The following TNR variants were observed in gnomAD, a reference collection of about 807,000 sequenced individuals.
TNR encodes tenascin R.
A neutral mutation model predicts 150.4 loss-of-function variants in TNR; 45 were observed. That is an observed-to-expected ratio of 0.30 (90% CI 0.24 to 0.38). The LOEUF is 0.38. Ranked by LOEUF, TNR falls within the 10% of genes least tolerant of loss-of-function variation. TNR has a pLI of 1.00. For missense variants in TNR, 1,544 were observed against 1,759.1 expected (o/e 0.88, Z 2.19); for synonymous variants, 687 against 678.4 (o/e 1.01, Z -0.20).
intron 1 of TNR, among the ~76,000 whole-genome samples, chr1:175,742,963 T>TAC (rs66777686): frequency 0.15 from 22,840 of 147,752 alleles, 1,848 homozygotes; most frequent in Non-Finnish European, 0.2. Context: ...TATGCAACAG[T>TAC]ACACACACAC....
chr1:175,477,397 C>T (rs938343447), intron 2 of TNR, among the ~76,000 whole-genome samples: 1 of 152,138 alleles, frequency 6.6e-6, no homozygotes, highest in Non-Finnish European at 1.5e-5. Flanking sequence ...TATAACCCCA[C>T]GTGGAGAGCT....
chr1:175,699,986 A>G (rs550948400), intron 1 of TNR, among the ~76,000 whole-genome samples: 1 of 151,940 alleles, frequency 6.6e-6, no homozygotes, highest in Non-Finnish European at 1.5e-5. Context: ...AGGATTAAAT[A>G]CACAAGACTT....
chr1:175,334,506 T>C lies in TNR; in HGVS notation c.3631+1205A>G, dbSNP rs181225106. Among the ~76,000 whole-genome samples, 128 of 152,376 alleles carry C rather than the reference T, an allele frequency of 8.4e-4. 2 individuals are homozygous for C. The highest frequency in any genetic ancestry group is 3.0e-3 in the African/African-American group (123 of 41,582). On this transcript the variant is annotated intron_variant, in intron 20 of 22. Transcript: ENST00000367674. ...GGCCAGAGATTTGTGACTTTCCTAG[T>C]TGCTCCTATAGATAACAGCACTATT...
At chr1:175,456,839 T>C (rs947882591) in intron 2 of TNR, among the ~76,000 whole-genome samples, 3 of 152,204 alleles carry the variant, frequency 2.0e-5, no homozygotes, top group Non-Finnish European at 4.4e-5. Context: ...TGAAATGATC[T>C]ATTTTCTGGA....
At chr1:175,466,970 G>C (rs146421941) in intron 2 of TNR, among the ~76,000 whole-genome samples, 16 of 152,244 alleles carry the variant, frequency 1.1e-4, no homozygotes, top group Non-Finnish European at 2.2e-4. Context: ...GCAGAGGTGG[G>C]AGAAATGGGA....
At chr1:175,679,643 T>A (rs1437468261) in intron 1 of TNR, among the ~76,000 whole-genome samples, 3 of 152,106 alleles carry the variant, frequency 2.0e-5, no homozygotes, top group Non-Finnish European at 4.4e-5. Context: ...ATCAAAGATT[T>A]CTTGGAAGAG....
At chr1:175,332,616 C>G (rs1005356334) in intron 20 of TNR, among the ~76,000 whole-genome samples, 1 of 152,146 alleles carries the variant, frequency 6.6e-6, no homozygotes, top group Admixed American at 6.5e-5. Flanking sequence ...TTTTAAGTTC[C>G]CTACTGTGCC....
At chr1:175,624,934 C>A (rs966212507) in intron 1 of TNR, among the ~76,000 whole-genome samples, 1 of 152,214 alleles carries the variant, frequency 6.6e-6, no homozygotes, top group Non-Finnish European at 1.5e-5. Context: ...TTCAGCTGAG[C>A]ACCTCCTGCT....
chr1:175,395,372 T>G (rs979364728), intron 5 of TNR, among the ~76,000 whole-genome samples: 1 of 152,206 alleles, frequency 6.6e-6, no homozygotes, highest in African/African-American at 2.4e-5. Context: ...CTCAGATCTC[T>G]TACCCCTTAT....
chr1:175,638,792 T>A lies in TNR; in HGVS notation c.-165+104434A>T, dbSNP rs76002064. The stretch of plus-strand genomic sequence containing the variant: ...GCTAAATTATGCCCTGTGGCATAAT[T>A]TAACTAAACAATCCGTCCTTGTTGG... On this transcript the variant is annotated intron_variant, in intron 1 of 22. Coordinates refer to ENST00000367674, the MANE Select transcript of TNR (RefSeq NM_003285.3). 5.9e-3 allele frequency among the ~76,000 whole-genome samples: 903 copies of A among 152,330 alleles called. 4 individuals carry two copies. Among genetic ancestry groups the A allele is most frequent in the Non-Finnish European group, 6.2e-3 (422 of 68,024 alleles).
At chr1:175,409,894 C>T (rs1654133853) in intron 2 of TNR, among the ~76,000 whole-genome samples, 2 of 152,060 alleles carry the variant, frequency 1.3e-5, no homozygotes, top group Admixed American at 1.3e-4. Flanking sequence ...ATACCACAGA[C>T]AATTATATAT....
At chr1:175,736,222 CTT>C (rs138243772) in intron 1 of TNR, among the ~76,000 whole-genome samples, 2,965 of 152,248 alleles carry the variant, frequency 0.019, 102 homozygotes, top group African/African-American at 0.066. Flanking sequence ...ACAAAAAAAA[CTT>C]AAGGAAGATG....
At chr1:175,574,463 C>G (rs1043698527) in intron 1 of TNR, among the ~76,000 whole-genome samples, 1 of 152,158 alleles carries the variant, frequency 6.6e-6, no homozygotes, top group Non-Finnish European at 1.5e-5. Flanking sequence ...AGGTCTTTCC[C>G]TCCAATCCCC....
chr1:175,706,634 A>C (rs1666849677), intron 1 of TNR, among the ~76,000 whole-genome samples: 1 of 151,966 alleles, frequency 6.6e-6, no homozygotes, highest in Non-Finnish European at 1.5e-5. Context: ...CGAGGGAACC[A>C]CCTTCTGATG....
intron 1 of TNR, among the ~76,000 whole-genome samples, chr1:175,623,559 G>A (rs2101866750): frequency 1.3e-5 from 2 of 152,238 alleles, no homozygotes; most frequent in South Asian, 4.1e-4. Context: ...CAAGCCCCGT[G>A]GGACACCCAC....
intron 1 of TNR, among the ~76,000 whole-genome samples, chr1:175,634,489 G>GATACT (rs1285818221): frequency 1.3e-5 from 2 of 152,190 alleles, no homozygotes; most frequent in African/African-American, 4.8e-5. Flanking sequence ...TCTCAGATGA[G>GATACT]TGGCTTATCT....
intron 1 of TNR, among the ~76,000 whole-genome samples, chr1:175,714,936 A>C (rs180723162): frequency 9.9e-5 from 15 of 152,170 alleles, no homozygotes; most frequent in Non-Finnish European, 2.1e-4. Flanking sequence ...AAGAGATCCC[A>C]GGGCAGAACT....
At chr1:175,700,328 A>G (rs16848961) in intron 1 of TNR, among the ~76,000 whole-genome samples, 10,407 of 152,220 alleles carry the variant, frequency 0.068, 585 homozygotes, top group African/African-American at 0.15. Flanking sequence ...GCCCATAATT[A>G]GAGTGATATG....
At chr1:175,738,122 G>A (rs1186694985) in intron 1 of TNR, among the ~76,000 whole-genome samples, 1 of 152,140 alleles carries the variant, frequency 6.6e-6, no homozygotes, top group Non-Finnish European at 1.5e-5. Flanking sequence ...TTGCCTCCAA[G>A]AAGCCACCTG....
Sources: gnomAD v4.1 joint callset for allele counts (sites outside exome capture counted in the v4.1 genomes callset) on GRCh38, gnomAD v4.1.1 for gene constraint, MANE v1.5 for transcripts, NCBI Gene and HGNC (gene_info 2026-07-23, HGNC 2026-07-21) for gene names.